GALNT17: variants seen among roughly 807,000 people sequenced by gnomAD.
GALNT17 encodes the protein polypeptide N-acetylgalactosaminyltransferase 17.
GALNT17 carries 29 observed loss-of-function variants against 63.7 expected under a neutral mutation model. That is an observed-to-expected ratio of 0.46 (90% CI 0.34 to 0.62). The LOEUF (loss-of-function observed/expected upper bound fraction) is 0.62. GALNT17 is among the 20% of genes least tolerant of loss of function. The pLI is 0.01. For missense variants in GALNT17, 603 were observed against 799.6 expected, an observed-to-expected ratio of 0.75 and a Z score of 2.97; for synonymous variants, 305 against 318.3, an observed-to-expected ratio of 0.96 and a Z score of 0.45.
chr7:71,311,750 T>G (rs1791417713), intron 1 of GALNT17, among the ~76,000 whole-genome samples: 1 of 152,166 alleles, frequency 6.6e-6, no homozygotes, highest in Non-Finnish European at 1.5e-5. Context: ...GGGATGTGGA[T>G]GGGTACACCA....
In GALNT17 at chr7:71,693,340, A is replaced by G. The variant is rs1055528217; in HGVS notation, c.1500+16034A>G. ...TATATATGGAGACAAGACCAAAACA[A>G]TGCAATGTGAGATCCTGGGTTGGAT... is the stretch of plus-strand genomic sequence containing the variant. On this transcript the variant is annotated intron_variant, in intron 9 of 10. Transcript: ENST00000333538. Among the ~76,000 whole-genome samples, 18 of 147,170 alleles carry G rather than the reference A, an allele frequency of 1.2e-4. 1 individual carries two copies. The highest frequency in any genetic ancestry group is 4.5e-4 in the African/African-American group (18 of 40,068).
At chr7:71,137,013 TCCCCAC>T (rs1434157258) in intron 1 of GALNT17, among the ~76,000 whole-genome samples, 3 of 146,926 alleles carry the variant, frequency 2.0e-5, no homozygotes, top group Non-Finnish European at 3.0e-5. Context: ...TTTCAAGTGA[TCCCCAC>T]CCCCACCCCC....
At chr7:71,265,342 C>T (rs188101582) in intron 1 of GALNT17, among the ~76,000 whole-genome samples, 49 of 151,236 alleles carry the variant, frequency 3.2e-4, no homozygotes, top group African/African-American at 1.1e-3. Context: ...GGCCAGGCTG[C>T]TCTCGAACTC....
chr7:71,665,823 G>T (rs111704538), intron 7 of GALNT17, among the ~76,000 whole-genome samples: 6,411 of 152,200 alleles, frequency 0.042, 437 homozygotes, highest in African/African-American at 0.14. Context: ...GATTAGAAGG[G>T]TCTTAGTGTG....
Position 71,637,974 on chromosome 7 carries a change from C to T in GALNT17, c.1081-27437C>T, listed in dbSNP as rs1245144489. Reference sequence around the variant, plus strand: ...GAGCAGTCCCAAAGGCTGCTGGTTGCCCATGTTTATGGTTATTTCTTGATG... The same window carrying T: ...GAGCAGTCCCAAAGGCTGCTGGTTGTCCATGTTTATGGTTATTTCTTGATG... On this transcript the variant is annotated intron_variant, in intron 6 of 10. Coordinates refer to ENST00000333538, the MANE Select transcript of GALNT17 (RefSeq NM_022479.3). Among the ~76,000 whole-genome samples, 3 of 152,164 alleles carry T rather than the reference C, an allele frequency of 2.0e-5. No homozygotes were observed. The East Asian group carries it at 5.8e-4, about 29-fold the overall frequency.
intron 5 of GALNT17, among the ~76,000 whole-genome samples, chr7:71,507,782 T>C (rs1187993059): frequency 6.6e-6 from 1 of 151,856 alleles, no homozygotes; most frequent in Non-Finnish European, 1.5e-5. Context: ...AACTGGGAGG[T>C]GTTTGCATGC....
At position 71,170,738 on chromosome 7, in the gene GALNT17, G is replaced by A. The variant is rs185288040; in HGVS notation, c.238+37698G>A. Among the ~76,000 whole-genome samples, 243 of 152,242 alleles carry A rather than the reference G, an allele frequency of 1.6e-3. 1 individual carries two copies. The highest frequency in any genetic ancestry group is 2.2e-3 in the Non-Finnish European group (153 of 68,012). ...CTTGATATTTTAACACTGGCAAAGG[G>A]ATGGCTGATTGGGAGTTAAATTGCC... is the stretch of plus-strand genomic sequence containing the variant. On this transcript the variant is annotated intron_variant, in intron 1 of 10. Coordinates refer to ENST00000333538, the MANE Select transcript of GALNT17 (RefSeq NM_022479.3).
At chr7:71,351,571 G>A (rs1347995129) in intron 2 of GALNT17, among the ~76,000 whole-genome samples, 1 of 151,978 alleles carries the variant, frequency 6.6e-6, no homozygotes, top group African/African-American at 2.4e-5. Flanking sequence ...AAGGAAGGAG[G>A]CCAAGTGAAG....
At chr7:71,366,721 T>G (rs113431571) in intron 2 of GALNT17, among the ~76,000 whole-genome samples, 1 of 152,210 alleles carries the variant, frequency 6.6e-6, no homozygotes, top group East Asian at 1.9e-4. Flanking sequence ...ATGTCCATTT[T>G]TAATCTTGAA....
intron 2 of GALNT17, among the ~76,000 whole-genome samples, chr7:71,364,076 C>T (rs1177074026): frequency 6.6e-6 from 1 of 152,092 alleles, no homozygotes; most frequent in Non-Finnish European, 1.5e-5. Flanking sequence ...TGAGTAGGTT[C>T]TTTAGTGATG....
At chr7:71,363,603 C>T (rs1792446918) in intron 2 of GALNT17, among the ~76,000 whole-genome samples, 1 of 152,358 alleles carries the variant, frequency 6.6e-6, no homozygotes. Context: ...GACTTCAAAA[C>T]CAGCCTTCTT....
intron 1 of GALNT17, among the ~76,000 whole-genome samples, chr7:71,216,869 A>G (rs1467754397): frequency 6.6e-6 from 1 of 152,090 alleles, no homozygotes; most frequent in African/African-American, 2.4e-5. Flanking sequence ...TACAACTTTA[A>G]TACCTTAGTC....
At chr7:71,477,196 T>C (rs1288717042) in intron 5 of GALNT17, among the ~76,000 whole-genome samples, 1 of 152,240 alleles carries the variant, frequency 6.6e-6, no homozygotes, top group Non-Finnish European at 1.5e-5. Context: ...TGGCTGGTTC[T>C]CTTAACTTGG....
intron 3 of GALNT17, among the ~76,000 whole-genome samples, chr7:71,402,233 T>TC (rs1380765713): frequency 2.6e-5 from 4 of 152,188 alleles, no homozygotes; most frequent in Non-Finnish European, 5.9e-5. Flanking sequence ...ATTTGCTAAC[T>TC]CCAGTTCATT....
At chr7:71,286,229 A>G (rs943697193) in intron 1 of GALNT17, among the ~76,000 whole-genome samples, 1 of 152,230 alleles carries the variant, frequency 6.6e-6, no homozygotes, top group South Asian at 2.1e-4. Flanking sequence ...TTAAGCCTCA[A>G]TAGCTTCACA....
intron 3 of GALNT17, among the ~76,000 whole-genome samples, chr7:71,404,121 TATG>T (rs1424415427): frequency 2.0e-5 from 3 of 152,156 alleles, no homozygotes; most frequent in African/African-American, 7.2e-5. Flanking sequence ...TTATGCGTAC[TATG>T]ATGTTTCCTT....
chr7:71,658,292 A>G (rs1790859104), intron 6 of GALNT17, among the ~76,000 whole-genome samples: 1 of 152,218 alleles, frequency 6.6e-6, no homozygotes. Flanking sequence ...GTGCCACTGA[A>G]GACTCTCCAA....
At chr7:71,427,156 T>G (rs1363470475) in intron 5 of GALNT17, among the ~76,000 whole-genome samples, 1 of 150,124 alleles carries the variant, frequency 6.7e-6, no homozygotes, top group African/African-American at 2.4e-5. Flanking sequence ...CTTGGCTCAC[T>G]GCAACCTCCA....
At chr7:71,299,121 C>G (rs940475965) in intron 1 of GALNT17, among the ~76,000 whole-genome samples, 3 of 152,100 alleles carry the variant, frequency 2.0e-5, no homozygotes, top group South Asian at 2.1e-4. Flanking sequence ...CACCTGGGCC[C>G]GCCCCTCATT....
Sources: gnomAD v4.1 joint callset for allele counts (sites outside exome capture counted in the v4.1 genomes callset) on GRCh38, gnomAD v4.1.1 for gene constraint, MANE v1.5 for transcripts, NCBI Gene and HGNC (gene_info 2026-07-23, HGNC 2026-07-21) for gene names.